Variants in CADM2 observed in about 807,000 individuals in gnomAD.
CADM2 encodes the protein cell adhesion molecule 2.
CADM2 carries 12 observed loss-of-function variants against 49.8 expected under a neutral mutation model. The ratio of observed to expected loss-of-function variants is 0.24; its 90% CI spans 0.15 to 0.39. The LOEUF is 0.39. Ranked by LOEUF, CADM2 falls within the 10% of genes least tolerant of loss-of-function variation. The probability of loss-of-function intolerance (pLI) is 1.00; values close to 1 mark genes in which losing one functional copy is unlikely to be tolerated. For synonymous variants in CADM2, 214 were observed against 175.4 expected (o/e 1.22, Z -1.74); for missense variants, 378 against 492.3 (o/e 0.77, Z 2.20).
At chr3:85,321,998 C>T (rs1392742784) in intron 1 of CADM2, among the ~76,000 whole-genome samples, 1 of 152,174 alleles carries the variant, frequency 6.6e-6, no homozygotes, top group Non-Finnish European at 1.5e-5. Context: ...AATAATGTTG[C>T]TCACATAGTA....
At chr3:85,773,085 G>A (rs919781058) in intron 2 of CADM2, among the ~76,000 whole-genome samples, 13 of 151,946 alleles carry the variant, frequency 8.6e-5, no homozygotes, top group African/African-American at 2.7e-4. Context: ...TTGATCCCAA[G>A]AGTGGGCCTC....
intron 1 of CADM2, among the ~76,000 whole-genome samples, chr3:85,067,778 AT>A (rs1469507752): frequency 2.0e-5 from 3 of 152,126 alleles, no homozygotes; most frequent in Admixed American, 2.0e-4. Flanking sequence ...AGCTGCCTTT[AT>A]TTTTGAAATA....
chr3:85,979,155 A>G (rs1407605421), intron 8 of CADM2: 2 of 1,602,718 alleles, frequency 1.2e-6, no homozygotes, highest in Non-Finnish European at 1.7e-6. Context: ...TTTTTTTTCC[A>G]CTCACCAGAT....
rs2030206216 is a variant in CADM2, at chr3:84,959,287, G to A, written c.-321G>A. On this transcript the variant is annotated 5_prime_UTR_variant, in exon 1 of 10. Coordinates refer to ENST00000383699, the MANE Select transcript of CADM2 (RefSeq NM_001167675.2). Reference sequence around the variant, plus strand: ...CACCACCTGCTCGGGCAGCCCCGGCGGGCTCTGGGACTTGCTGTGCGCGCC... The same window carrying A: ...CACCACCTGCTCGGGCAGCCCCGGCAGGCTCTGGGACTTGCTGTGCGCGCC... 2 of 489,774 alleles carry A rather than the reference G, an allele frequency of 4.1e-6. No homozygotes were observed. Among genetic ancestry groups the A allele is most frequent in the South Asian group, 4.6e-5 (2 of 43,452 alleles). 30.3% of individuals were successfully genotyped at this position (489,774 alleles called of 1,614,324 possible). A position where few individuals can be genotyped will look rare whatever the true frequency, so the allele number is the denominator to read the frequency against.
chr3:85,344,242 G>A (rs1030911767), intron 1 of CADM2, among the ~76,000 whole-genome samples: 1 of 151,682 alleles, frequency 6.6e-6, no homozygotes, highest in African/African-American at 2.4e-5. Context: ...TTAGCTGGGC[G>A]TGGTGGCAGG....
chr3:85,785,261 T>A (rs1372034479), intron 2 of CADM2, among the ~76,000 whole-genome samples: 2 of 152,142 alleles, frequency 1.3e-5, no homozygotes, highest in Non-Finnish European at 2.9e-5. Context: ...TTTTTTAGTG[T>A]CAGATTCATT....
intron 1 of CADM2, among the ~76,000 whole-genome samples, chr3:85,411,428 AG>A (rs895779131): frequency 6.6e-6 from 1 of 152,226 alleles, no homozygotes; most frequent in African/African-American, 2.4e-5. Context: ...GATTAATGAA[AG>A]TTCAGTATAC....
intron 1 of CADM2, among the ~76,000 whole-genome samples, chr3:85,579,744 G>A (rs946071523): frequency 6.6e-6 from 1 of 151,746 alleles, no homozygotes; most frequent in Admixed American, 6.6e-5. Context: ...AAAAAATATG[G>A]GCTCAATACA....
chr3:85,312,068 C>T (rs2044358442), intron 1 of CADM2, among the ~76,000 whole-genome samples: 2 of 151,908 alleles, frequency 1.3e-5, no homozygotes, highest in Non-Finnish European at 2.9e-5. Flanking sequence ...CTTTTTTAAA[C>T]TTTAGCCGCT....
At chr3:85,077,857 T>C (rs2037007739) in intron 1 of CADM2, among the ~76,000 whole-genome samples, 1 of 152,074 alleles carries the variant, frequency 6.6e-6, no homozygotes, top group African/African-American at 2.4e-5. Flanking sequence ...GAAATATCAT[T>C]CGTTAGTAAA....
intron 8 of CADM2, among the ~76,000 whole-genome samples, chr3:86,018,773 A>AT (rs1389950068): frequency 1.3e-5 from 2 of 151,984 alleles, no homozygotes; most frequent in Non-Finnish European, 2.9e-5. Context: ...GATTCTGGAT[A>AT]TTAGCCCTTT....
At chr3:85,050,642 T>C (rs556954778) in intron 1 of CADM2, among the ~76,000 whole-genome samples, 3 of 152,314 alleles carry the variant, frequency 2.0e-5, no homozygotes, top group Admixed American at 2.0e-4. Context: ...ATATGGTCTG[T>C]AGGTAGCAGA....
At chr3:85,858,342 T>C (rs1243825504) in intron 3 of CADM2, among the ~76,000 whole-genome samples, 2 of 152,206 alleles carry the variant, frequency 1.3e-5, no homozygotes, top group Non-Finnish European at 2.9e-5. Context: ...AATTTTCTTG[T>C]TATAAAATGC....
At chr3:85,347,968 T>A (rs9830359) in intron 1 of CADM2, among the ~76,000 whole-genome samples, 1 of 151,952 alleles carries the variant, frequency 6.6e-6, no homozygotes, top group Non-Finnish European at 1.5e-5. Flanking sequence ...CCACTGCGCC[T>A]GGCTAATTTT....
chr3:85,298,468 A>C (rs183172013), intron 1 of CADM2, among the ~76,000 whole-genome samples: 2 of 152,204 alleles, frequency 1.3e-5, no homozygotes, highest in East Asian at 3.9e-4. Flanking sequence ...ATGTATACTT[A>C]GTGATTCGTG....
intron 1 of CADM2, among the ~76,000 whole-genome samples, chr3:85,206,085 G>A (rs1043488599): frequency 2.0e-5 from 3 of 151,948 alleles, no homozygotes. Flanking sequence ...TGTTAAGTCA[G>A]GTAAACTGTT....
chr3:85,115,664 A>C (rs1011068449), intron 1 of CADM2, among the ~76,000 whole-genome samples: 4 of 152,194 alleles, frequency 2.6e-5, no homozygotes, highest in Admixed American at 2.6e-4. Flanking sequence ...CAAGCCCAAA[A>C]TTTTATTATG....
chr3:85,465,895 T>C (rs896403205), intron 1 of CADM2, among the ~76,000 whole-genome samples: 4 of 152,176 alleles, frequency 2.6e-5, no homozygotes, highest in African/African-American at 4.8e-5. Context: ...TTACCGAAAG[T>C]ATGGAAAATA....
At position 85,507,168 on chromosome 3, in the gene CADM2, C is replaced by T. The variant is rs1055134476; in HGVS notation, c.62-219354C>T. 9.6e-4 allele frequency among the ~76,000 whole-genome samples: 143 copies of T among 149,686 alleles called. 2 individuals are homozygous for T. The highest frequency in any genetic ancestry group is 1.8e-3 in the Non-Finnish European group (122 of 67,678). On this transcript the variant is annotated intron_variant, in intron 1 of 9. Coordinates refer to ENST00000383699, the MANE Select transcript of CADM2 (RefSeq NM_001167675.2). ...TATTATTTTAAGAAAGGTTTTTGCCCTGTCACCCAGTGTATTTTTTTTTTT... is the reference window on the plus strand; with the variant it reads ...TATTATTTTAAGAAAGGTTTTTGCCTTGTCACCCAGTGTATTTTTTTTTTT...
Sources: allele counts gnomAD v4.1 joint callset (sites outside exome capture counted in the v4.1 genomes callset), GRCh38; gene constraint gnomAD v4.1.1; transcripts MANE v1.5; gene names NCBI Gene and HGNC (gene_info 2026-07-23, HGNC 2026-07-21).